The following AMMECR1L variants were observed in gnomAD, a reference collection of about 807,000 sequenced individuals.
AMMECR1L encodes AMMECR1 like.
In AMMECR1L, 4 loss-of-function variants were observed where a neutral mutation model predicts 36.8. The ratio of observed to expected loss-of-function variants is 0.11; its 90% CI spans 0.05 to 0.25. AMMECR1L has a LOEUF of 0.25. Ranked by LOEUF, AMMECR1L falls within the 10% of genes least tolerant of loss-of-function variation. The probability of loss-of-function intolerance (pLI) is 1.00; values close to 1 mark genes in which losing one functional copy is unlikely to be tolerated. For synonymous variants in AMMECR1L, 147 were observed against 148.0 expected (o/e 0.99, Z 0.05); for missense variants, 232 against 392.1 (o/e 0.59, Z 3.45).
chr2:127,882,100 A>G (rs1381172048), intron 2 of AMMECR1L, among the ~76,000 whole-genome samples: 1 of 152,236 alleles, frequency 6.6e-6, no homozygotes, highest in Non-Finnish European at 1.5e-5. Context: ...ACTGTTGTCA[A>G]AGTAGTTAGG....
At position 127,865,764 on chromosome 2, in the gene AMMECR1L, A is replaced by G. The variant is rs970795633; in HGVS notation, c.822-559T>C. Among the ~76,000 whole-genome samples, 65 of 152,254 alleles carry G rather than the reference A, an allele frequency of 4.3e-4. No individual in the cohort carries two copies. The highest frequency in any genetic ancestry group is 7.3e-5 in the Non-Finnish European group (5 of 68,046). On this transcript the variant is annotated intron_variant, in intron 7 of 7. Transcript: ENST00000272647. The surrounding 1 kb of genome is among the most constrained non-coding windows in gnomAD (Gnocchi z 5.4). ...GTCTCACTCCCCAGATGAATATGCC[A>G]TATCACAGGGTCGTCAGAACAGAAT...
chr2:127,865,079 T>C lies in AMMECR1L; in HGVS notation c.*15A>G. 1 of 1,603,588 alleles carries C rather than the reference T, an allele frequency of 6.2e-7. No individual in the cohort carries two copies. The highest frequency in any genetic ancestry group is 8.5e-7 in the Non-Finnish European group (1 of 1,172,018). On this transcript the variant is annotated 3_prime_UTR_variant, in exon 8 of 8. Transcript: ENST00000272647. This position sits in a 1 kb window ranked among gnomAD's most constrained non-coding sequence, Gnocchi z 5.4. ...GGTGGCCACGGGGGGGTGGGACTGG[T>C]CATGCAGCCGTGTGTCAGGAGTAAT...
In AMMECR1L at chr2:127,874,012, G is replaced by A. The variant is rs138811137; in HGVS notation, c.223C>T (p.Pro75Ser). ...GATGCGGGATTCATTCGTGTGATGG[G>A]AGAGTTTCCAGGTCCCAGAGTTAAG... ...SDLTLGPGNSPITRMNPASGA... is the reference protein window; with the variant it reads ...SDLTLGPGNSSITRMNPASGA... The change falls in exon 3 of 8, where the codon CCC becomes TCC. Residue 75 changes from proline to serine, a missense_variant. By Grantham distance (74) the Pro-to-Ser change is moderately conservative. This residue lies in a region of AMMECR1L where 109 missense variants were observed against 128.1 expected (regional missense o/e 0.85). Transcript: ENST00000272647. This position sits in a 1 kb window ranked among gnomAD's most constrained non-coding sequence, Gnocchi z 5.2. 8 of 1,614,150 alleles carry A rather than the reference G, an allele frequency of 5.0e-6. No individual in the cohort carries two copies. The highest frequency in any genetic ancestry group is 6.8e-6 in the Non-Finnish European group (8 of 1,180,060).
intron 7 of AMMECR1L, among the ~76,000 whole-genome samples, chr2:127,866,032 T>C (rs533051589): frequency 2.8e-4 from 43 of 152,364 alleles, no homozygotes; most frequent in African/African-American, 1.0e-3. Context: ...TTTGAAGAGT[T>C]TTTTGTTGTT....
intron 2 of AMMECR1L, among the ~76,000 whole-genome samples, chr2:127,876,409 C>T (rs1164213410): frequency 6.6e-6 from 1 of 151,224 alleles, no homozygotes; most frequent in Non-Finnish European, 1.5e-5. Context: ...GGGATCCTCT[C>T]ACTACAGCCT....
At chr2:127,881,623 C>G (rs1367545346) in intron 2 of AMMECR1L, among the ~76,000 whole-genome samples, 2 of 152,182 alleles carry the variant, frequency 1.3e-5, no homozygotes, top group African/African-American at 4.8e-5. Context: ...CTGTGAAAGA[C>G]ACGAAAAGCA....
At chr2:127,881,617 G>A (rs1429727564) in intron 2 of AMMECR1L, among the ~76,000 whole-genome samples, 1 of 152,158 alleles carries the variant, frequency 6.6e-6, no homozygotes, top group African/African-American at 2.4e-5. Flanking sequence ...TGTGAGCTGT[G>A]AAAGACACGA....
chr2:127,867,995 C>T (rs1327690714), intron 6 of AMMECR1L, among the ~76,000 whole-genome samples: 1 of 152,230 alleles, frequency 6.6e-6, no homozygotes, highest in Non-Finnish European at 1.5e-5. Context: ...ACCTCAGCCA[C>T]CCAACTAGCT....
intron 7 of AMMECR1L, among the ~76,000 whole-genome samples, chr2:127,866,440 T>A (rs761150293): frequency 2.0e-5 from 3 of 152,232 alleles, no homozygotes; most frequent in Non-Finnish European, 4.4e-5. Flanking sequence ...TCTACTACAC[T>A]AGGCAGCCTC....
At chr2:127,867,098 C>A in intron 6 of AMMECR1L, 102 bp from the exon 7 acceptor site, 2 of 1,551,602 alleles carry the variant, frequency 1.3e-6, no homozygotes, top group East Asian at 2.3e-5. Context: ...GAGAAGCAGC[C>A]GAGTCTGCTA....
At chr2:127,882,735 C>G (rs563597000) in intron 2 of AMMECR1L, among the ~76,000 whole-genome samples, 3 of 150,058 alleles carry the variant, frequency 2.0e-5, no homozygotes. Flanking sequence ...CTGGGACCAC[C>G]GCCATGCACC....
intron 2 of AMMECR1L, among the ~76,000 whole-genome samples, chr2:127,877,301 C>T (rs1458862033): frequency 6.6e-6 from 1 of 150,738 alleles, no homozygotes; most frequent in Non-Finnish European, 1.5e-5. Context: ...TTACATTTTA[C>T]AGCATCCACA....
In AMMECR1L at chr2:127,862,150, G is replaced by A. The variant is rs1690495173; in HGVS notation, c.*2944C>T. On this transcript the variant is annotated 3_prime_UTR_variant, in exon 8 of 8. Coordinates refer to ENST00000272647, the MANE Select transcript of AMMECR1L (RefSeq NM_001199140.2). ...CAAGGACAATTCATAATTACAGAGA[G>A]AATGTCCTAGCTGTGGGTATTATGA... 6.5e-6 allele frequency: 1 copy of A among 153,652 alleles called. No homozygotes were observed. The highest frequency in any genetic ancestry group is 2.1e-4 in the South Asian group (1 of 4,820). 9.5% of individuals were successfully genotyped at this position (153,652 alleles called of 1,614,324 possible). A position where few individuals can be genotyped will look rare whatever the true frequency, so the allele number is the denominator to read the frequency against.
At chr2:127,868,658 T>C (rs1314068852) in intron 6 of AMMECR1L, among the ~76,000 whole-genome samples, 2 of 152,120 alleles carry the variant, frequency 1.3e-5, no homozygotes, top group Non-Finnish European at 1.5e-5. Context: ...CTAGATATTC[T>C]TTTAAAGACA....
At chr2:127,872,744 C>T (rs1040646714) in intron 3 of AMMECR1L, among the ~76,000 whole-genome samples, 5 of 152,196 alleles carry the variant, frequency 3.3e-5, no homozygotes, top group African/African-American at 7.2e-5. Context: ...ACAGTCTAAA[C>T]CTTCCCTAAA....
At chr2:127,882,139 T>C (rs1189606952) in intron 2 of AMMECR1L, among the ~76,000 whole-genome samples, 1 of 152,172 alleles carries the variant, frequency 6.6e-6, no homozygotes, top group East Asian at 1.9e-4. Context: ...TTAAAATATC[T>C]AGAAAAGCCT....
chr2:127,881,776 C>T (rs899642722), intron 2 of AMMECR1L, among the ~76,000 whole-genome samples: 1 of 152,210 alleles, frequency 6.6e-6, no homozygotes, highest in Non-Finnish European at 1.5e-5. Flanking sequence ...ATAATGCCCT[C>T]CTAATACAAT....
chr2:127,861,888 A>C lies in AMMECR1L; in HGVS notation c.*3206T>G, dbSNP rs1269940358. 3 of 152,636 alleles carry C rather than the reference A, an allele frequency of 2.0e-5. No individual in the cohort carries two copies. The highest frequency in any genetic ancestry group is 4.4e-5 in the Non-Finnish European group (3 of 68,036). The allele number at this position is 152,636 out of a possible 1,614,324, so 9.5% of individuals were successfully genotyped here. ...GTGAAATTGTAGATGTCAACACATC[A>C]TGGAAAACAGATCTTGTGCAAAATA... On this transcript the variant is annotated 3_prime_UTR_variant, in exon 8 of 8. Transcript: ENST00000272647.
In AMMECR1L at chr2:127,869,940, G is replaced by A. The variant is rs550697762; in HGVS notation, c.634-396C>T. Among the ~76,000 whole-genome samples, 3 of 152,316 alleles carry A rather than the reference G, an allele frequency of 2.0e-5. No individual in the cohort carries two copies. The highest frequency in any genetic ancestry group is 4.1e-4 in the South Asian group (2 of 4,830). Reference sequence around the variant, plus strand: ...TGGCCAGGCGCGGTGGCTCATGCCTGTAATCCCAACAATTTGGGAGGCCAA... The same window carrying A: ...TGGCCAGGCGCGGTGGCTCATGCCTATAATCCCAACAATTTGGGAGGCCAA... On this transcript the variant is annotated intron_variant, in intron 5 of 7. Transcript: ENST00000272647. The surrounding 1 kb of genome is among the most constrained non-coding windows in gnomAD (Gnocchi z 4.7).
Sources: gnomAD v4.1 joint callset for allele counts (sites outside exome capture counted in the v4.1 genomes callset) on GRCh38, gnomAD v4.1.1 for gene constraint, gnomAD v4.1.1 regional missense constraint, Gnocchi (gnomAD v3.1) non-coding constraint, MANE v1.5 for transcripts, NCBI Gene and HGNC (gene_info 2026-07-23, HGNC 2026-07-21) for gene names.